The following GRID1 variants were observed in gnomAD, a reference collection of about 807,000 sequenced individuals.
GRID1 encodes glutamate receptor ionotropic, delta-1.
Under a neutral mutation model 98.0 loss-of-function variants are expected in GRID1, and 28 were observed. The ratio of observed to expected loss-of-function variants is 0.29; its 90% CI spans 0.21 to 0.39. The LOEUF is 0.39. GRID1 is among the 10% of genes least tolerant of loss of function. The pLI is 1.00. For missense variants in GRID1, 1,111 were observed against 1,340.5 expected (o/e 0.83, Z 2.67); for synonymous variants, 553 against 538.5 (o/e 1.03, Z -0.37).
At chr10:86,240,081 C>T (rs1342999768) in intron 2 of GRID1, among the ~76,000 whole-genome samples, 2 of 152,202 alleles carry the variant, frequency 1.3e-5, no homozygotes, top group African/African-American at 4.8e-5. Context: ...CCTGCCAACA[C>T]ATTGATCTTA....
chr10:86,240,542 G>A lies in GRID1; in HGVS notation c.236-33894C>T, dbSNP rs572193250. On this transcript the variant is annotated intron_variant, in intron 2 of 15. Coordinates refer to ENST00000327946, the MANE Select transcript of GRID1 (RefSeq NM_017551.3). ...TGAAAAAGAGCTGTGGCTATTGTACGCAAGAGGGCAAGATATGTCCAGGGG... is the reference window on the plus strand; with the variant it reads ...TGAAAAAGAGCTGTGGCTATTGTACACAAGAGGGCAAGATATGTCCAGGGG... Among the ~76,000 whole-genome samples the A allele has an allele frequency of 6.7e-5, 10 of 149,224 alleles. No individual in the cohort carries two copies. The East Asian group carries it at 1.0e-3, about 16-fold the overall frequency.
intron 2 of GRID1, among the ~76,000 whole-genome samples, chr10:86,338,178 G>A (rs1486130202): frequency 6.6e-6 from 1 of 152,156 alleles, no homozygotes; most frequent in Non-Finnish European, 1.5e-5. Context: ...ATTGGTTCAT[G>A]GATAGGCACA....
intron 4 of GRID1, among the ~76,000 whole-genome samples, chr10:85,984,871 A>C (rs1842590137): frequency 7.6e-6 from 1 of 131,812 alleles, no homozygotes; most frequent in Non-Finnish European, 1.8e-5. Context: ...CTGGCTCTTA[A>C]CACTCTGACT....
intron 12 of GRID1, among the ~76,000 whole-genome samples, chr10:85,712,973 T>C (rs1328640627): frequency 6.6e-6 from 1 of 151,598 alleles, no homozygotes; most frequent in Non-Finnish European, 1.5e-5. Context: ...AAAAGAAACC[T>C]TTTAAATATT....
chr10:86,175,215 G>A (rs1165325220), intron 3 of GRID1, among the ~76,000 whole-genome samples: 1 of 152,074 alleles, frequency 6.6e-6, no homozygotes, highest in Non-Finnish European at 1.5e-5. Context: ...ATGGGTACAG[G>A]GAGTAGCCGC....
At chr10:85,625,019 A>G (rs1043313802) in intron 13 of GRID1, among the ~76,000 whole-genome samples, 1 of 152,196 alleles carries the variant, frequency 6.6e-6, no homozygotes, top group Non-Finnish European at 1.5e-5. Flanking sequence ...AGACATATAT[A>G]TGAATACTTA....
chr10:86,346,892 C>A (rs556293446), intron 2 of GRID1, among the ~76,000 whole-genome samples: 2 of 152,300 alleles, frequency 1.3e-5, no homozygotes, highest in South Asian at 4.1e-4. Flanking sequence ...AAGGAGAGGC[C>A]TCCCGGCTGG....
intron 7 of GRID1, among the ~76,000 whole-genome samples, chr10:85,855,243 G>A (rs1390487616): frequency 6.6e-6 from 1 of 152,262 alleles, no homozygotes; most frequent in Non-Finnish European, 1.5e-5. Flanking sequence ...TAGACTGGCT[G>A]TGGTCTCCAT....
At chr10:85,603,627 A>G (rs564256376) in intron 15 of GRID1, among the ~76,000 whole-genome samples, 5 of 152,356 alleles carry the variant, frequency 3.3e-5, no homozygotes, top group South Asian at 2.1e-4. Context: ...GGAAGACGTC[A>G]TCTCCTTCCT....
chr10:86,306,051 G>A (rs1437987428), intron 2 of GRID1, among the ~76,000 whole-genome samples: 1 of 152,178 alleles, frequency 6.6e-6, no homozygotes, highest in Non-Finnish European at 1.5e-5. Flanking sequence ...TTTTCCTGCT[G>A]TCTCTCAGCC....
chr10:85,798,443 C>T (rs1329655418), intron 8 of GRID1, among the ~76,000 whole-genome samples: 1 of 152,180 alleles, frequency 6.6e-6, no homozygotes, highest in Non-Finnish European at 1.5e-5. Flanking sequence ...TGAGGAAACA[C>T]CAAACTGTTT....
At chr10:85,694,286 C>T (rs1841364551) in intron 12 of GRID1, among the ~76,000 whole-genome samples, 1 of 151,654 alleles carries the variant, frequency 6.6e-6, no homozygotes, top group Non-Finnish European at 1.5e-5. Context: ...TGTTGGGGAG[C>T]ATGTGGAGAA....
chr10:85,618,235 G>A lies in GRID1; in HGVS notation c.2360+1632C>T, dbSNP rs916113389. ...CACACGGGGACTCTAACCTTTCCTC[G>A]CTGGGGCCCCTGTGCTTCCATGAGC... On this transcript the variant is annotated intron_variant, in intron 14 of 15. Coordinates refer to ENST00000327946, the MANE Select transcript of GRID1 (RefSeq NM_017551.3). Among the ~76,000 whole-genome samples, 33 of 152,066 alleles carry A rather than the reference G, an allele frequency of 2.2e-4. 1 individual carries two copies. The highest frequency in any genetic ancestry group is 1.2e-3 in the Admixed American group (19 of 15,262).
At chr10:85,800,121 C>T (rs2132751470) in intron 8 of GRID1, among the ~76,000 whole-genome samples, 1 of 151,556 alleles carries the variant, frequency 6.6e-6, no homozygotes, top group African/African-American at 2.4e-5. Flanking sequence ...CAAGTATGTG[C>T]CTAATAAATT....
At chr10:85,986,093 G>C (rs1426772389) in intron 4 of GRID1, among the ~76,000 whole-genome samples, 1 of 152,210 alleles carries the variant, frequency 6.6e-6, no homozygotes, top group Non-Finnish European at 1.5e-5. Flanking sequence ...ATAAAATTCT[G>C]TAGCACTAAG....
chr10:85,705,016 A>C (rs549595773), intron 12 of GRID1, among the ~76,000 whole-genome samples: 1 of 152,362 alleles, frequency 6.6e-6, no homozygotes, highest in African/African-American at 2.4e-5. Flanking sequence ...AAGAGAAAGC[A>C]GGAAAGATCT....
chr10:85,717,546 G>A (rs1027921917), intron 12 of GRID1, among the ~76,000 whole-genome samples: 1 of 152,142 alleles, frequency 6.6e-6, no homozygotes, highest in Admixed American at 6.5e-5. Flanking sequence ...CCTCTCCCTG[G>A]ATCCCTCCTG....
intron 4 of GRID1, among the ~76,000 whole-genome samples, chr10:86,032,315 T>A (rs1161887357): frequency 1.3e-5 from 2 of 152,168 alleles, no homozygotes; most frequent in African/African-American, 4.8e-5. Context: ...TGCCACCCCA[T>A]CTGGGAGGTG....
intron 10 of GRID1, among the ~76,000 whole-genome samples, chr10:85,726,505 T>G (rs1373365294): frequency 6.6e-6 from 1 of 152,050 alleles, no homozygotes; most frequent in Non-Finnish European, 1.5e-5. Flanking sequence ...CATTCAGGCT[T>G]AGGATGCAAC....
Sources: allele counts gnomAD v4.1 joint callset (sites outside exome capture counted in the v4.1 genomes callset), GRCh38; gene constraint gnomAD v4.1.1; transcripts MANE v1.5; gene names NCBI Gene and HGNC (gene_info 2026-07-23, HGNC 2026-07-21).